Variants in EYA2 observed in about 807,000 individuals in gnomAD.
EYA2 encodes the protein EYA transcriptional coactivator and phosphatase 2.
In EYA2, 31 loss-of-function variants were observed where a neutral mutation model predicts 69.2. That is an observed-to-expected ratio of 0.45 (90% CI 0.34 to 0.60). EYA2 has a LOEUF of 0.60. Ranked by LOEUF, EYA2 falls within the 20% of genes least tolerant of loss-of-function variation. The probability of loss-of-function intolerance (pLI) is 0.02; values close to 1 mark genes in which losing one functional copy is unlikely to be tolerated. For missense variants in EYA2, 622 were observed against 701.2 expected (o/e 0.89, Z 1.28); for synonymous variants, 257 against 279.4 (o/e 0.92, Z 0.80).
At chr20:47,161,378 G>A (rs1353436213) in intron 10 of EYA2, 9 of 430,780 alleles carry the variant, frequency 2.1e-5, no homozygotes, top group Non-Finnish European at 4.0e-5. Context: ...GGCTGGCGTG[G>A]GTCTGCTTTT....
At chr20:47,101,937 C>T (rs1210785808) in intron 9 of EYA2, among the ~76,000 whole-genome samples, 2 of 152,184 alleles carry the variant, frequency 1.3e-5, no homozygotes, top group African/African-American at 4.8e-5. Flanking sequence ...AGCACTGCAG[C>T]CATGTGAAAC....
At chr20:46,896,093 A>G (rs1344044337) in intron 1 of EYA2, among the ~76,000 whole-genome samples, 2 of 152,196 alleles carry the variant, frequency 1.3e-5, no homozygotes, top group Admixed American at 1.3e-4. Flanking sequence ...GGTACCTTTT[A>G]ATTACGAGGT....
intron 9 of EYA2, among the ~76,000 whole-genome samples, chr20:47,135,084 G>A (rs868251414): frequency 1.9e-4 from 24 of 127,424 alleles, no homozygotes; most frequent in African/African-American, 7.0e-4. Context: ...CCGAGATCAC[G>A]CCACTGTACT....
intron 5 of EYA2, among the ~76,000 whole-genome samples, chr20:47,024,921 A>G (rs1216742173): frequency 1.3e-5 from 2 of 152,260 alleles, no homozygotes; most frequent in Non-Finnish European, 2.9e-5. Flanking sequence ...AGCTGAATGT[A>G]AAATACCAAA....
chr20:46,918,946 T>C (rs1340871167), intron 1 of EYA2, among the ~76,000 whole-genome samples: 7 of 152,238 alleles, frequency 4.6e-5, no homozygotes, highest in African/African-American at 1.7e-4. Context: ...AAGACAACAT[T>C]TATCTCCTTG....
intron 1 of EYA2, among the ~76,000 whole-genome samples, chr20:46,908,114 T>C (rs924594477): frequency 1.3e-5 from 2 of 152,204 alleles, no homozygotes; most frequent in African/African-American, 4.8e-5. Flanking sequence ...TATTCATTCA[T>C]TCAAAAATAT....
chr20:46,898,801 T>C (rs555606339), intron 1 of EYA2, among the ~76,000 whole-genome samples: 80 of 152,340 alleles, frequency 5.3e-4, no homozygotes, highest in African/African-American at 1.8e-3. Flanking sequence ...CGGCGTGTGA[T>C]TTAAAATCAG....
chr20:47,122,442 C>T (rs1187696170), intron 9 of EYA2, among the ~76,000 whole-genome samples: 10 of 151,584 alleles, frequency 6.6e-5, no homozygotes, highest in South Asian at 2.1e-4. Flanking sequence ...TACAGGCACC[C>T]GCCACCGCAC....
intron 9 of EYA2, among the ~76,000 whole-genome samples, chr20:47,133,568 T>C (rs2033392479): frequency 6.6e-6 from 1 of 152,156 alleles, no homozygotes; most frequent in Non-Finnish European, 1.5e-5. Flanking sequence ...TCGGCCTCAA[T>C]GATTGACTAG....
chr20:47,162,678 C>A (rs1189871652), intron 10 of EYA2, among the ~76,000 whole-genome samples: 2 of 151,946 alleles, frequency 1.3e-5, no homozygotes, highest in Non-Finnish European at 2.9e-5. Context: ...GTCGCTACAC[C>A]TGGCTAATTT....
At chr20:47,056,500 G>A (rs1047760920) in intron 5 of EYA2, among the ~76,000 whole-genome samples, 11 of 152,014 alleles carry the variant, frequency 7.2e-5, no homozygotes, top group African/African-American at 1.9e-4. Flanking sequence ...CGTAGCTCCC[G>A]TTTGTTGAAC....
intron 5 of EYA2, among the ~76,000 whole-genome samples, chr20:47,064,227 G>T (rs1474058038): frequency 1.3e-5 from 2 of 152,314 alleles, no homozygotes; most frequent in East Asian, 3.9e-4. Flanking sequence ...AAAGTGCTGG[G>T]ATTATAGGTA....
intron 4 of EYA2, among the ~76,000 whole-genome samples, chr20:47,011,594 C>G (rs576583376): frequency 6.6e-6 from 1 of 152,236 alleles, no homozygotes; most frequent in African/African-American, 2.4e-5. Flanking sequence ...GCCTGATGAC[C>G]TTTGCACATG....
chr20:47,163,464 C>T (rs911475035), intron 10 of EYA2, among the ~76,000 whole-genome samples: 8 of 151,956 alleles, frequency 5.3e-5, no homozygotes, highest in East Asian at 1.9e-4. Flanking sequence ...TTTGGGAGTC[C>T]GAGGCAGGGG....
intron 1 of EYA2, among the ~76,000 whole-genome samples, chr20:46,971,291 CAA>C (rs1399198223): frequency 6.6e-6 from 1 of 152,230 alleles, no homozygotes; most frequent in African/African-American, 2.4e-5. Context: ...CTCTGCTCTG[CAA>C]AGTCATCAGC....
intron 5 of EYA2, among the ~76,000 whole-genome samples, chr20:47,060,113 G>T (rs1357077419): frequency 6.6e-6 from 1 of 152,120 alleles, no homozygotes. Context: ...ATTCTTATGG[G>T]GCAGAGGTTG....
At chr20:47,110,198 TAGG>T (rs1190295420) in intron 9 of EYA2, among the ~76,000 whole-genome samples, 1 of 152,146 alleles carries the variant, frequency 6.6e-6, no homozygotes, top group African/African-American at 2.4e-5. Context: ...TCACCCAGCT[TAGG>T]AGGGATGAAA....
At chr20:47,122,294 T>TG (rs1370244415) in intron 9 of EYA2, among the ~76,000 whole-genome samples, 1 of 145,428 alleles carries the variant, frequency 6.9e-6, no homozygotes, top group East Asian at 2.0e-4. Flanking sequence ...TCTTGGTTTT[T>TG]TTTTTTTTTT....
intron 10 of EYA2, among the ~76,000 whole-genome samples, chr20:47,165,327 T>C (rs976867152): frequency 1.3e-5 from 2 of 152,130 alleles, no homozygotes; most frequent in African/African-American, 4.8e-5. Flanking sequence ...GAAAGGAAAT[T>C]CGAAATACTG....
Sources: gnomAD v4.1 joint callset for allele counts (sites outside exome capture counted in the v4.1 genomes callset) on GRCh38, gnomAD v4.1.1 for gene constraint, MANE v1.5 for transcripts, NCBI Gene and HGNC (gene_info 2026-07-23, HGNC 2026-07-21) for gene names.